The following MPP1 variants were observed in gnomAD, a reference collection of about 807,000 sequenced individuals.
MPP1 encodes the protein 55 kDa erythrocyte membrane protein.
Under a neutral mutation model 38.2 loss-of-function variants are expected in MPP1, and 6 were observed. The ratio of observed to expected loss-of-function variants is 0.16; its 90% confidence interval spans 0.09 to 0.31. The LOEUF is 0.31. MPP1 is among the 10% of genes least tolerant of loss of function. The pLI is 1.00. For missense variants in MPP1, 293 were observed against 368.9 expected, an observed-to-expected ratio of 0.79 and a Z score of 1.69; for synonymous variants, 153 against 146.3, an observed-to-expected ratio of 1.05 and a Z score of -0.33.
At chrX:154,797,465 T>C (rs941015178) in intron 1 of MPP1, among the ~76,000 whole-genome samples, 9 of 111,938 alleles carry the variant, frequency 8.0e-5, no homozygotes, top group Admixed American at 7.6e-4. Flanking sequence ...GGTATAGACA[T>C]GCAGATCAAG....
In MPP1 at chrX:154,779,214, C is replaced by T. The variant is rs782458500; in HGVS notation, c.1364G>A (p.Ser455Asn). Residue 455 changes from serine to asparagine, a missense_variant, in exon 12 of 12, where the codon AGT (serine) becomes AAT (asparagine). Physicochemically the swap from Ser to Asn is conservative, Grantham distance 46. Transcript: ENST00000369534. ...KLQEAFDQAC[S>N]SPQWVPVSWV... is the part of the protein sequence containing the mutation. The stretch of plus-strand genomic sequence containing the variant: ...GGAGACAGGCACCCACTGTGGAGAA[C>T]TGCACGCTTGGTCGAAGGCTTCTTG... The T allele has an allele frequency of 5.0e-6, 6 of 1,210,281 alleles. No individual in the cohort carries two copies. Among genetic ancestry groups the T allele is most frequent in the Non-Finnish European group, 5.6e-6 (5 of 895,217 alleles).
At chrX:154,785,231 T>A in intron 6 of MPP1, 74 bp from the exon 7 acceptor site, 1 of 592,237 alleles carries the variant, frequency 1.7e-6, no homozygotes, top group Non-Finnish European at 2.3e-6. Flanking sequence ...ACTCAGTCTC[T>A]AATGGCACCC....
At chrX:154,792,955 G>C (rs1250214537) in intron 1 of MPP1, among the ~76,000 whole-genome samples, 1 of 111,355 alleles carries the variant, frequency 9.0e-6, no homozygotes, top group Non-Finnish European at 1.9e-5. Flanking sequence ...AGGCAGCAAG[G>C]CCTCTTTATT....
At chrX:154,788,258 CAGA>C (rs1210538134) in intron 5 of MPP1, among the ~76,000 whole-genome samples, 7 of 111,998 alleles carry the variant, frequency 6.3e-5, no homozygotes, top group Non-Finnish European at 1.9e-5. Flanking sequence ...AAATAAGCCA[CAGA>C]AGAAGAGAAC....
intron 1 of MPP1, among the ~76,000 whole-genome samples, chrX:154,803,540 A>G (rs1438843133): frequency 8.9e-6 from 1 of 112,204 alleles, no homozygotes; most frequent in Non-Finnish European, 1.9e-5. Flanking sequence ...CCATAAGGGA[A>G]CACATAGGTT....
At chrX:154,799,982 T>C (rs2072244448) in intron 1 of MPP1, 1 of 759,151 alleles carries the variant, frequency 1.3e-6, no homozygotes, top group South Asian at 2.9e-5. Context: ...AAGTTGGCTT[T>C]CTAATCCAAA....
At chrX:154,801,533 C>A in intron 1 of MPP1, among the ~76,000 whole-genome samples, 1 of 109,793 alleles carries the variant, frequency 9.1e-6, no homozygotes, top group Non-Finnish European at 1.9e-5. Flanking sequence ...CCGAGGCAGG[C>A]GGATCACCTG....
rs1220700540 is a variant in MPP1 at position 154,799,822 on chromosome X, C to T, written c.102+5450G>A. ...AAAGTGCTGGAGTGGCAATGCCTGC[C>T]GCTCTGAAAGCCCCTTCAGAGGAAA... On this transcript the variant is annotated intron_variant, in intron 1 of 11. Transcript: ENST00000369534. 15 of 1,164,126 alleles carry T rather than the reference C, an allele frequency of 1.3e-5. No individual in the cohort carries two copies. In the Admixed American group the frequency reaches 1.8e-4, roughly 14 times the overall value.
intron 11 of MPP1, 120 bp from the exon 12 acceptor site, chrX:154,779,473 C>T (rs2071963610): frequency 1.3e-5 from 8 of 630,794 alleles, no homozygotes; most frequent in Non-Finnish European, 1.7e-5. Flanking sequence ...CTTGACGAGT[C>T]AAATTCAGAA....
At chrX:154,799,950 G>C in intron 1 of MPP1, 1 of 1,029,929 alleles carries the variant, frequency 9.7e-7, no homozygotes, top group African/African-American at 1.9e-5. Flanking sequence ...GGTGGCGGGG[G>C]TGAATAGAGC....
At chrX:154,782,195 T>C (rs1244719470) in intron 9 of MPP1, 2 of 140,648 alleles carry the variant, frequency 1.4e-5, no homozygotes, top group African/African-American at 6.2e-5. Flanking sequence ...TTCCTTTTCA[T>C]GACTTGGAAA....
chrX:154,796,980 C>G (rs781910738), intron 1 of MPP1, among the ~76,000 whole-genome samples: 1 of 111,887 alleles, frequency 8.9e-6, no homozygotes, highest in Non-Finnish European at 1.9e-5. Flanking sequence ...CCCAGGAGGT[C>G]AAGGCTGCAG....
chrX:154,788,275 C>G (rs1232885285), intron 5 of MPP1, among the ~76,000 whole-genome samples: 1 of 112,004 alleles, frequency 8.9e-6, no homozygotes, highest in African/African-American at 3.2e-5. Flanking sequence ...AGAGAACATA[C>G]TTGGGATGCA....
intron 1 of MPP1, among the ~76,000 whole-genome samples, chrX:154,803,481 T>C (rs782471368): frequency 8.9e-5 from 10 of 112,525 alleles, no homozygotes; most frequent in Non-Finnish European, 1.7e-4. Flanking sequence ...AACATAACAC[T>C]GGTGGTGACA....
chrX:154,799,810 G>A, intron 1 of MPP1: 1 of 1,166,072 alleles, frequency 8.6e-7, no homozygotes. Context: ...GTGCTGGAGT[G>A]GCAATGCCTG....
intron 11 of MPP1, 88 bp from the exon 12 acceptor site, chrX:154,779,441 C>T (rs1389916672): frequency 4.7e-6 from 4 of 854,939 alleles, no homozygotes; most frequent in South Asian, 2.6e-5. Context: ...CAATTGTTAG[C>T]GTTGCTCAGC....
chrX:154,804,932 C>A (rs2072303848), intron 1 of MPP1: 1 of 378,987 alleles, frequency 2.6e-6, no homozygotes, highest in Non-Finnish European at 5.0e-6. Flanking sequence ...ACCAGGCAGA[C>A]CTACTCCTTG....
In MPP1 at chrX:154,780,440, T is replaced by C. The variant is rs1051940796; in HGVS notation, c.1224+799A>G. On this transcript the variant is annotated intron_variant, in intron 11 of 11. Transcript: ENST00000369534. ...ACAAATTGCTCTTCATATGAAAAAGTACCTGATCATCTCTTTTAGTAAAAA... is the reference window on the plus strand; with the variant it reads ...ACAAATTGCTCTTCATATGAAAAAGCACCTGATCATCTCTTTTAGTAAAAA... Among the ~76,000 whole-genome samples, 4 of 112,814 alleles carry C rather than the reference T, an allele frequency of 3.5e-5. No individual in the cohort carries two copies. In the East Asian group the frequency reaches 1.1e-3, roughly 31 times the overall value.
chrX:154,800,187 T>C (rs1188753413), intron 1 of MPP1, among the ~76,000 whole-genome samples: 2 of 112,413 alleles, frequency 1.8e-5, no homozygotes, highest in Non-Finnish European at 3.8e-5. Flanking sequence ...GGCAGTATCC[T>C]ATTCCACTTT....
Sources: gnomAD v4.1 joint callset for allele counts (sites outside exome capture counted in the v4.1 genomes callset) on GRCh38, gnomAD v4.1.1 for gene constraint, MANE v1.5 for transcripts, NCBI Gene and HGNC (gene_info 2026-07-23, HGNC 2026-07-21) for gene names.